Variants in SIK3 observed in about 807,000 individuals in gnomAD.
SIK3 encodes SIK family kinase 3.
In SIK3, 28 loss-of-function variants were observed where a neutral mutation model predicts 144.2. The observed-to-expected ratio is 0.19, with a 90% CI of 0.14 to 0.27. The LOEUF is 0.27. Among genes scored for constraint, SIK3 ranks in the 10% least tolerant of loss-of-function variants. SIK3 has a pLI of 1.00. For missense variants in SIK3, 1,319 were observed against 1,776.0 expected, an observed-to-expected ratio of 0.74 and a Z score of 4.62; for synonymous variants, 686 against 676.3, an observed-to-expected ratio of 1.01 and a Z score of -0.22.
At chr11:116,922,200 C>T (rs559409904) in intron 4 of SIK3, among the ~76,000 whole-genome samples, 1 of 152,294 alleles carries the variant, frequency 6.6e-6, no homozygotes, top group South Asian at 2.1e-4. Flanking sequence ...TAGCTTTTTA[C>T]AGTATCAAAT....
At chr11:117,030,596 G>T (rs1478778621) in intron 1 of SIK3, among the ~76,000 whole-genome samples, 2 of 152,152 alleles carry the variant, frequency 1.3e-5, no homozygotes, top group Non-Finnish European at 2.9e-5. Context: ...TACAGTTATT[G>T]AGATCACATG....
intron 1 of SIK3, among the ~76,000 whole-genome samples, chr11:117,080,326 C>T (rs1954730105): frequency 8.3e-6 from 1 of 120,762 alleles, no homozygotes; most frequent in African/African-American, 5.1e-5. Context: ...GATGTGGCAA[C>T]ATCTTACATG....
At chr11:117,035,896 C>T (rs1427334690) in intron 1 of SIK3, 28 of 1,596,238 alleles carry the variant, frequency 1.8e-5, no homozygotes, top group African/African-American at 2.7e-5. Context: ...ACAAAACTAC[C>T]GTTTGTGCAT....
At chr11:117,022,578 T>C (rs1246652207) in intron 1 of SIK3, among the ~76,000 whole-genome samples, 3 of 152,216 alleles carry the variant, frequency 2.0e-5, no homozygotes, top group Non-Finnish European at 4.4e-5. Flanking sequence ...GTGGACACTT[T>C]CATCTGCCTG....
intron 1 of SIK3, among the ~76,000 whole-genome samples, chr11:116,965,771 A>ATATATG (rs1949517083): frequency 5.1e-5 from 2 of 39,558 alleles, no homozygotes; most frequent in African/African-American, 2.0e-4. Flanking sequence ...ATATATATAT[A>ATATATG]TATATATATA....
At chr11:117,018,959 G>A (rs762850007) in intron 1 of SIK3, among the ~76,000 whole-genome samples, 7 of 151,836 alleles carry the variant, frequency 4.6e-5, no homozygotes, top group Admixed American at 6.6e-5. Context: ...TGATCCACCC[G>A]CCTTGGCCTC....
intron 6 of SIK3, among the ~76,000 whole-genome samples, chr11:116,892,390 G>C (rs1176663903): frequency 6.6e-6 from 1 of 152,160 alleles, no homozygotes; most frequent in Non-Finnish European, 1.5e-5. Context: ...AAAACAACCT[G>C]AAGTTAAAAA....
intron 1 of SIK3, among the ~76,000 whole-genome samples, chr11:117,088,564 T>C (rs1385931687): frequency 1.3e-5 from 2 of 152,162 alleles, no homozygotes; most frequent in African/African-American, 4.8e-5. Context: ...GCACGAAACA[T>C]AAGGAATACA....
At chr11:117,061,810 A>T (rs1400385997) in intron 1 of SIK3, among the ~76,000 whole-genome samples, 1 of 152,230 alleles carries the variant, frequency 6.6e-6, no homozygotes, top group Non-Finnish European at 1.5e-5. Context: ...AAGCAGAAAT[A>T]TTAGAAGAGT....
At chr11:117,037,170 C>CA (rs890654489) in intron 1 of SIK3, among the ~76,000 whole-genome samples, 1 of 151,632 alleles carries the variant, frequency 6.6e-6, no homozygotes, top group Non-Finnish European at 1.5e-5. Flanking sequence ...GTGTCTGCTG[C>CA]AAAAAAGGGA....
intron 1 of SIK3, among the ~76,000 whole-genome samples, chr11:117,034,748 G>C (rs4938326): frequency 0.13 from 19,447 of 152,168 alleles, 1,361 homozygotes; most frequent in Admixed American, 0.18. Flanking sequence ...GAGTTACCTG[G>C]AATTATACAG....
At chr11:116,942,489 T>A (rs142446806) in intron 3 of SIK3, among the ~76,000 whole-genome samples, 1 of 152,082 alleles carries the variant, frequency 6.6e-6, no homozygotes, top group African/African-American at 2.4e-5. Context: ...AATAAATATA[T>A]GTCAGTTCAT....
rs767674007 is a variant in SIK3 at position 116,875,929 on chromosome 11, C to T, written c.1176G>A (p.Leu392=). Residue 392 remains leucine, a synonymous_variant, in exon 9 of 25, where the codon CTG becomes CTA. Transcript: ENST00000445177. The part of the protein sequence containing the change: ...LCDRHKRHKT[L]RLGALPSMPR... ...GCATGCTAGGAAGTGCTCCGAGACG[C>T]AGGGTTTTATGTCTCTTATGTCGAT... The T allele has an allele frequency of 6.2e-7, 1 of 1,613,120 alleles. No homozygotes were observed. Among genetic ancestry groups the T allele is most frequent in the South Asian group, 1.1e-5 (1 of 91,026 alleles).
At chr11:116,920,844 A>T (rs773459191) in intron 4 of SIK3, among the ~76,000 whole-genome samples, 133 of 152,348 alleles carry the variant, frequency 8.7e-4, no homozygotes, top group Non-Finnish European at 1.5e-3. Context: ...TGTGGAACTG[A>T]CAATCTTGTG....
intron 1 of SIK3, among the ~76,000 whole-genome samples, chr11:116,971,150 T>C (rs1181167826): frequency 6.6e-6 from 1 of 152,248 alleles, no homozygotes. Context: ...AAAGTCAATG[T>C]TTCCCACTGT....
chr11:116,873,968 C>G lies in SIK3; in HGVS notation c.1516G>C (p.Val506Leu). The change falls in exon 12 of 25, where the codon GTG becomes CTG. Residue 506 changes from valine to leucine, a missense_variant. Transcript: ENST00000445177. The part of the protein sequence containing the change: ...QAPFLQVAPN[V>L]NFMHNLLPMQ... Reference sequence around the variant, plus strand: ...GGCAACAGGTTGTGCATGAAGTTCACATTAGGGGCCACCTGCAGGAATGGA... The same window carrying G: ...GGCAACAGGTTGTGCATGAAGTTCAGATTAGGGGCCACCTGCAGGAATGGA... 1 of 1,614,072 alleles carries G rather than the reference C, an allele frequency of 6.2e-7. No individual in the cohort carries two copies. Among genetic ancestry groups the G allele is most frequent in the Admixed American group, 1.7e-5 (1 of 60,000 alleles).
chr11:116,910,256 TAG>T (rs1946268788), intron 4 of SIK3, among the ~76,000 whole-genome samples: 1 of 152,078 alleles, frequency 6.6e-6, no homozygotes, highest in Non-Finnish European at 1.5e-5. Flanking sequence ...TAAAAAAAAT[TAG>T]GTTTTCCTTC....
intron 3 of SIK3, among the ~76,000 whole-genome samples, chr11:116,944,262 T>C (rs1440282443): frequency 6.6e-6 from 1 of 152,290 alleles, no homozygotes; most frequent in African/African-American, 2.4e-5. Flanking sequence ...TGGAATGTTA[T>C]GTCTGCTCGG....
At chr11:117,004,309 G>GT (rs1007575226) in intron 1 of SIK3, among the ~76,000 whole-genome samples, 1 of 152,154 alleles carries the variant, frequency 6.6e-6, no homozygotes, top group African/African-American at 2.4e-5. Context: ...GAGCCCAGGA[G>GT]TTTGAGACCA....
Sources: gnomAD v4.1 joint callset for allele counts (sites outside exome capture counted in the v4.1 genomes callset) on GRCh38, gnomAD v4.1.1 for gene constraint, MANE v1.5 for transcripts, NCBI Gene and HGNC (gene_info 2026-07-23, HGNC 2026-07-21) for gene names.